The following CHRM3 variants were observed in gnomAD, a reference collection of about 807,000 sequenced individuals.
CHRM3 encodes the protein cholinergic receptor muscarinic 3, also known as muscarinic acetylcholine receptor M3.
A neutral mutation model predicts 41.8 loss-of-function variants in CHRM3; 11 were observed. That is an observed-to-expected ratio of 0.26 (90% CI 0.17 to 0.44). The LOEUF (loss-of-function observed/expected upper bound fraction) is 0.44, where lower values mean the gene tolerates loss of function less well. Among genes scored for constraint, CHRM3 ranks in the 20% least tolerant of loss-of-function variants. CHRM3 has a pLI of 1.00. For missense variants in CHRM3, 571 were observed against 745.4 expected (o/e 0.77, Z 2.72); for synonymous variants, 297 against 301.4 (o/e 0.99, Z 0.15).
At chr1:239,587,142 C>T (rs953174217) in intron 3 of CHRM3, among the ~76,000 whole-genome samples, 7 of 152,140 alleles carry the variant, frequency 4.6e-5, no homozygotes, top group African/African-American at 1.7e-4. Flanking sequence ...CGCGTGGTGA[C>T]CTTTCTGACC....
At chr1:239,824,475 T>G (rs1572409123) in intron 5 of CHRM3, among the ~76,000 whole-genome samples, 2 of 152,160 alleles carry the variant, frequency 1.3e-5, no homozygotes, top group Non-Finnish European at 2.9e-5. Context: ...TAGGTGAAAA[T>G]GATAAAAACC....
chr1:239,437,447 C>A (rs1215896369), intron 1 of CHRM3, among the ~76,000 whole-genome samples: 1 of 152,194 alleles, frequency 6.6e-6, no homozygotes, highest in Non-Finnish European at 1.5e-5. Context: ...TAAAATTCTG[C>A]CACTCTCTGT....
In CHRM3 at chr1:239,835,840, G is replaced by A. The variant is rs370813024; in HGVS notation, c.-20+8462G>A. 9.2e-5 allele frequency among the ~76,000 whole-genome samples: 14 copies of A among 152,306 alleles called. No homozygotes were observed. In the East Asian group the frequency reaches 9.7e-4, roughly 11 times the overall value. ...AGCCTGCTGATTCAGAAGGATGAACGAACATGGACCTAAATTACTGCATTT... is the reference window on the plus strand; with the variant it reads ...AGCCTGCTGATTCAGAAGGATGAACAAACATGGACCTAAATTACTGCATTT... On this transcript the variant is annotated intron_variant, in intron 6 of 6. Transcript: ENST00000676153.
At chr1:239,484,329 G>C (rs966393905) in intron 1 of CHRM3, among the ~76,000 whole-genome samples, 2 of 152,082 alleles carry the variant, frequency 1.3e-5, no homozygotes, top group Non-Finnish European at 1.5e-5. Flanking sequence ...AAACAACCAG[G>C]TATTCCATGA....
At chr1:239,507,815 G>C (rs1668672872) in intron 2 of CHRM3, among the ~76,000 whole-genome samples, 1 of 152,282 alleles carries the variant, frequency 6.6e-6, no homozygotes, top group Non-Finnish European at 1.5e-5. Context: ...CTTTGGACTT[G>C]GGGGGCTTAG....
intron 4 of CHRM3, among the ~76,000 whole-genome samples, chr1:239,658,383 A>G (rs1427265925): frequency 6.6e-6 from 1 of 152,218 alleles, no homozygotes; most frequent in Non-Finnish European, 1.5e-5. Context: ...ACTCAACTAG[A>G]AAGAATGTCA....
chr1:239,773,951 A>G (rs1667890617), intron 5 of CHRM3, among the ~76,000 whole-genome samples: 1 of 152,212 alleles, frequency 6.6e-6, no homozygotes, highest in Admixed American at 6.5e-5. Flanking sequence ...TACTAGAGAA[A>G]TAGTTAGACA....
intron 5 of CHRM3, among the ~76,000 whole-genome samples, chr1:239,681,916 G>A (rs1454421964): frequency 6.6e-6 from 1 of 152,054 alleles, no homozygotes; most frequent in East Asian, 1.9e-4. Context: ...GATGTTATAA[G>A]GTGTTGAATC....
intron 5 of CHRM3, among the ~76,000 whole-genome samples, chr1:239,752,383 C>T (rs1665903431): frequency 2.0e-5 from 3 of 152,144 alleles, no homozygotes; most frequent in Non-Finnish European, 4.4e-5. Context: ...AGAGAGATTG[C>T]CAGAGCACAC....
At chr1:239,887,762 CATCTAT>C (rs1678196327) in intron 6 of CHRM3, among the ~76,000 whole-genome samples, 1 of 152,100 alleles carries the variant, frequency 6.6e-6, no homozygotes, top group Admixed American at 6.6e-5. Context: ...ATACCCAGAT[CATCTAT>C]ATTTTTATTG....
At chr1:239,723,836 G>C (rs1475581281) in intron 5 of CHRM3, among the ~76,000 whole-genome samples, 1 of 151,764 alleles carries the variant, frequency 6.6e-6, no homozygotes, top group African/African-American at 2.4e-5. Context: ...TTAAAGATGA[G>C]GCCTCATAGT....
At chr1:239,635,422 C>A (rs1260282685) in intron 4 of CHRM3, among the ~76,000 whole-genome samples, 1 of 152,174 alleles carries the variant, frequency 6.6e-6, no homozygotes, top group Non-Finnish European at 1.5e-5. Context: ...GCCTCCCTGT[C>A]TTTATTTATT....
intron 6 of CHRM3, among the ~76,000 whole-genome samples, chr1:239,905,772 A>G (rs941111282): frequency 6.6e-6 from 1 of 152,188 alleles, no homozygotes; most frequent in Non-Finnish European, 1.5e-5. Context: ...TAAATGTCCA[A>G]TAAATAATTT....
chr1:239,722,298 G>T (rs1447252082), intron 5 of CHRM3, among the ~76,000 whole-genome samples: 1 of 151,876 alleles, frequency 6.6e-6, no homozygotes, highest in Non-Finnish European at 1.5e-5. Flanking sequence ...AAAACAGAAA[G>T]AACCTGACAG....
At chr1:239,760,928 TTTCAGATGTTTGTTTGTC>T (rs1300985332) in intron 5 of CHRM3, among the ~76,000 whole-genome samples, 1 of 152,212 alleles carries the variant, frequency 6.6e-6, no homozygotes, top group African/African-American at 2.4e-5. Context: ...TTTGGAGATT[TTTCAGATGTTTGTTTGTC>T]TTCAGATATC....
At chr1:239,409,647 G>A (rs188504812) in intron 1 of CHRM3, among the ~76,000 whole-genome samples, 1 of 152,254 alleles carries the variant, frequency 6.6e-6, no homozygotes, top group East Asian at 1.9e-4. Context: ...TAAAATTTGG[G>A]CTTGTCATGA....
In CHRM3 at chr1:239,915,307, G is replaced by A. The variant is rs1156444612; in HGVS notation, c.*6083G>A. Reference sequence around the variant, plus strand: ...AGCACTTCCTCAGTAGGCATTTCAGGTGTGTCACAAACCATGTTCATTTTT... The same window carrying A: ...AGCACTTCCTCAGTAGGCATTTCAGATGTGTCACAAACCATGTTCATTTTT... On this transcript the variant is annotated 3_prime_UTR_variant, in exon 7 of 7. Coordinates refer to ENST00000676153, the MANE Select transcript of CHRM3 (RefSeq NM_001375978.1). 1 of 167,018 alleles carries A rather than the reference G, an allele frequency of 6.0e-6. No individual in the cohort carries two copies. Among genetic ancestry groups the A allele is most frequent in the African/African-American group, 2.4e-5 (1 of 41,436 alleles). 10.3% of individuals were successfully genotyped at this position (167,018 alleles called of 1,614,324 possible).
chr1:239,643,859 G>A (rs1054014578), intron 4 of CHRM3, among the ~76,000 whole-genome samples: 9 of 152,154 alleles, frequency 5.9e-5, no homozygotes, highest in Non-Finnish European at 8.8e-5. Context: ...TGTCTTCTGC[G>A]TCGCTCACAC....
At chr1:239,460,783 A>G (rs1218955244) in intron 1 of CHRM3, among the ~76,000 whole-genome samples, 1 of 152,226 alleles carries the variant, frequency 6.6e-6, no homozygotes, top group Non-Finnish European at 1.5e-5. Context: ...ATGAAATTAT[A>G]GTCTTTCAGT....
Sources: gnomAD v4.1 joint callset for allele counts (sites outside exome capture counted in the v4.1 genomes callset) on GRCh38, gnomAD v4.1.1 for gene constraint, MANE v1.5 for transcripts, NCBI Gene and HGNC (gene_info 2026-07-23, HGNC 2026-07-21) for gene names.